UBE2E2: variants seen among roughly 807,000 people sequenced by gnomAD.
The protein encoded by UBE2E2 is ubiquitin conjugating enzyme E2 E2.
Under a neutral mutation model 24.7 loss-of-function variants are expected in UBE2E2, and 6 were observed. The ratio of observed to expected loss-of-function variants is 0.24; its 90% confidence interval spans 0.13 to 0.48. UBE2E2 has a LOEUF of 0.48. Among genes scored for constraint, UBE2E2 ranks in the 20% least tolerant of loss-of-function variants. The probability of loss-of-function intolerance (pLI) is 0.99; values close to 1 mark genes in which losing one functional copy is unlikely to be tolerated. For synonymous variants in UBE2E2, 104 were observed against 83.6 expected, an observed-to-expected ratio of 1.24 and a Z score of -1.33; for missense variants, 169 against 245.0, an observed-to-expected ratio of 0.69 and a Z score of 2.07.
At chr3:23,450,783 C>A (rs533234161) in intron 3 of UBE2E2, among the ~76,000 whole-genome samples, 134 of 152,072 alleles carry the variant, frequency 8.8e-4, no homozygotes, top group African/African-American at 2.9e-3. Context: ...CATTTTATTT[C>A]TTTTTAATGA....
chr3:23,527,489 C>T (rs894715086), intron 4 of UBE2E2, among the ~76,000 whole-genome samples: 1 of 152,134 alleles, frequency 6.6e-6, no homozygotes, highest in Non-Finnish European at 1.5e-5. Context: ...GCCTTGCGAT[C>T]TCAGAAATGT....
At chr3:23,408,281 CT>C (rs1200683097) in intron 3 of UBE2E2, among the ~76,000 whole-genome samples, 4 of 151,858 alleles carry the variant, frequency 2.6e-5, no homozygotes, top group Admixed American at 1.3e-4. Flanking sequence ...GACTTTTCTC[CT>C]TTTTTTTGTG....
At chr3:23,326,321 T>C (rs1196510922) in intron 3 of UBE2E2, among the ~76,000 whole-genome samples, 1 of 152,214 alleles carries the variant, frequency 6.6e-6, no homozygotes, top group Non-Finnish European at 1.5e-5. Flanking sequence ...TCTGCCTGCC[T>C]TGGCCTCCCA....
chr3:23,403,659 T>C (rs1472943927), intron 3 of UBE2E2, among the ~76,000 whole-genome samples: 4 of 152,056 alleles, frequency 2.6e-5, no homozygotes, highest in Non-Finnish European at 5.9e-5. Flanking sequence ...GGTCTCTATT[T>C]TCAAAAATGC....
intron 3 of UBE2E2, among the ~76,000 whole-genome samples, chr3:23,233,639 A>G (rs528360626): frequency 6.6e-6 from 1 of 152,286 alleles, no homozygotes; most frequent in South Asian, 2.1e-4. Context: ...AAGTGGCTTT[A>G]GTTATTAATA....
At chr3:23,203,919 G>C (rs1203414375) in intron 1 of UBE2E2, among the ~76,000 whole-genome samples, 1 of 152,074 alleles carries the variant, frequency 6.6e-6, no homozygotes, top group East Asian at 1.9e-4. Flanking sequence ...CGAGTGCCGG[G>C]TTTGGCTCCT....
chr3:23,294,269 A>T (rs1698848065), intron 3 of UBE2E2, among the ~76,000 whole-genome samples: 1 of 152,212 alleles, frequency 6.6e-6, no homozygotes, highest in African/African-American at 2.4e-5. Flanking sequence ...CCTAGCCATA[A>T]TAATAAATCA....
intron 3 of UBE2E2, among the ~76,000 whole-genome samples, chr3:23,428,672 A>G (rs1171620821): frequency 6.6e-6 from 1 of 152,234 alleles, no homozygotes; most frequent in South Asian, 2.1e-4. Context: ...ACACGTTACT[A>G]ACATCAGAAA....
At chr3:23,281,058 C>T (rs147972451) in intron 3 of UBE2E2, among the ~76,000 whole-genome samples, 213 of 152,274 alleles carry the variant, frequency 1.4e-3, no homozygotes, top group African/African-American at 4.8e-3. Flanking sequence ...GCACTAATCC[C>T]ATCGTCAGGG....
intron 3 of UBE2E2, among the ~76,000 whole-genome samples, chr3:23,488,587 A>C (rs1699429752): frequency 6.6e-6 from 1 of 152,240 alleles, no homozygotes; most frequent in African/African-American, 2.4e-5. Context: ...ATGCAATTAG[A>C]ATGATACCGG....
chr3:23,554,041 A>T (rs916380044), intron 5 of UBE2E2, among the ~76,000 whole-genome samples: 78 of 152,156 alleles, frequency 5.1e-4, no homozygotes, highest in Non-Finnish European at 7.2e-4. Context: ...AATTTAAAAA[A>T]AAAATCCTAA....
chr3:23,554,025 C>T (rs890253175), intron 5 of UBE2E2, among the ~76,000 whole-genome samples: 4 of 151,930 alleles, frequency 2.6e-5, no homozygotes, highest in African/African-American at 9.7e-5. Context: ...GGGCATTGTT[C>T]ACATAAATTT....
chr3:23,294,638 T>C (rs927521987), intron 3 of UBE2E2, among the ~76,000 whole-genome samples: 2 of 147,382 alleles, frequency 1.4e-5, no homozygotes, highest in African/African-American at 4.9e-5. Flanking sequence ...TATTTTTGTA[T>C]CTTTAGATTA....
chr3:23,295,609 A>G (rs1228815156), intron 3 of UBE2E2, among the ~76,000 whole-genome samples: 1 of 152,218 alleles, frequency 6.6e-6, no homozygotes, highest in African/African-American at 2.4e-5. Context: ...TATGTGAAAT[A>G]TCTCAGATTT....
chr3:23,306,405 T>C (rs969052591), intron 3 of UBE2E2, among the ~76,000 whole-genome samples: 1 of 152,236 alleles, frequency 6.6e-6, no homozygotes, highest in Non-Finnish European at 1.5e-5. Flanking sequence ...AAGACAAATA[T>C]TAGCCAATCC....
At chr3:23,426,728 A>C (rs1050759250) in intron 3 of UBE2E2, among the ~76,000 whole-genome samples, 1 of 152,218 alleles carries the variant, frequency 6.6e-6, no homozygotes, top group African/African-American at 2.4e-5. Context: ...GCTTTGCAAT[A>C]AATGTTAAAA....
intron 5 of UBE2E2, among the ~76,000 whole-genome samples, chr3:23,568,051 C>T (rs1696118120): frequency 6.6e-6 from 1 of 152,226 alleles, no homozygotes; most frequent in Non-Finnish European, 1.5e-5. Context: ...CACTCCTCAG[C>T]ACAGACAGCA....
chr3:23,380,679 C>G (rs991282240), intron 3 of UBE2E2, among the ~76,000 whole-genome samples: 4 of 152,258 alleles, frequency 2.6e-5, no homozygotes, highest in South Asian at 4.1e-4. Context: ...GTGCCCAGCT[C>G]TGTTGGAATG....
intron 3 of UBE2E2, among the ~76,000 whole-genome samples, chr3:23,385,616 G>A (rs1293608859): frequency 2.6e-5 from 4 of 152,190 alleles, no homozygotes; most frequent in Non-Finnish European, 1.5e-5. Flanking sequence ...ATGATCTTTA[G>A]CAGAGCCAAA....
Sources: gnomAD v4.1 joint callset for allele counts (sites outside exome capture counted in the v4.1 genomes callset) on GRCh38, gnomAD v4.1.1 for gene constraint, MANE v1.5 for transcripts, NCBI Gene and HGNC (gene_info 2026-07-23, HGNC 2026-07-21) for gene names.